FRRS1: variants seen among roughly 807,000 people sequenced by gnomAD.
FRRS1 encodes ferric reductase 1.
Under a neutral mutation model 70.7 loss-of-function variants are expected in FRRS1, and 51 were observed. The ratio of observed to expected loss-of-function variants is 0.72; its 90% CI spans 0.58 to 0.91. FRRS1 has a LOEUF of 0.91. Among genes scored for constraint, FRRS1 ranks in the 40% least tolerant of loss-of-function variants. FRRS1 has a pLI of 0.00. For missense variants in FRRS1, 672 were observed against 726.0 expected (o/e 0.93, Z 0.86); for synonymous variants, 225 against 238.7 (o/e 0.94, Z 0.53).
chr1:99,747,236 G>T, intron 4 of FRRS1, 58 bp downstream of exon 4: 2 of 1,385,696 alleles, frequency 1.4e-6, no homozygotes, highest in Non-Finnish European at 2.0e-6. Flanking sequence ...ATTTCCCCAG[G>T]GGTGGGGTCT....
chr1:99,757,291 T>C (rs1656886788), intron 1 of FRRS1, among the ~76,000 whole-genome samples: 1 of 152,156 alleles, frequency 6.6e-6, no homozygotes, highest in Non-Finnish European at 1.5e-5. Flanking sequence ...CCAATGGATC[T>C]TAACCTGCAG....
Position 99,712,428 on chromosome 1 carries a change from G to T in FRRS1, c.1411C>A (p.His471Asn). The part of the protein sequence containing the change: ...PLLAVFRPPL[H>N]DPRRQMFNWT... Reference sequence around the variant, plus strand: ...AAAGGCTCTAAGTACCTTGGGTCATGTAAAGGTGGCCTGAAGACTGCCAGA... The same window carrying T: ...AAAGGCTCTAAGTACCTTGGGTCATTTAAAGGTGGCCTGAAGACTGCCAGA... Residue 471 changes from histidine (H) to asparagine (N), a missense_variant, in exon 13 of 17, where the codon CAT becomes AAT. Coordinates refer to ENST00000646001, the MANE Select transcript of FRRS1 (RefSeq NM_001361041.2). The T allele has an allele frequency of 6.2e-7, 1 of 1,607,982 alleles. No individual in the cohort carries two copies. Among genetic ancestry groups the T allele is most frequent in the African/African-American group, 1.3e-5 (1 of 74,830 alleles).
intron 9 of FRRS1, among the ~76,000 whole-genome samples, chr1:99,724,003 A>C (rs147083759): frequency 4.6e-4 from 70 of 152,354 alleles, no homozygotes; most frequent in African/African-American, 1.6e-3. Context: ...CAAGAAAGGC[A>C]CTGGGAAAGC....
intron 12 of FRRS1, among the ~76,000 whole-genome samples, chr1:99,714,894 T>A (rs1410732615): frequency 3.3e-5 from 5 of 152,184 alleles, no homozygotes; most frequent in Non-Finnish European, 2.9e-5. Flanking sequence ...CAATGTGAGC[T>A]AGATGTGTGA....
At chr1:99,756,164 T>C (rs979464370) in intron 1 of FRRS1, among the ~76,000 whole-genome samples, 1 of 152,200 alleles carries the variant, frequency 6.6e-6, no homozygotes, top group African/African-American at 2.4e-5. Context: ...AAAGGACTCC[T>C]ATCAATTATG....
chr1:99,762,077 T>G (rs1208933283), intron 1 of FRRS1, among the ~76,000 whole-genome samples: 1 of 152,224 alleles, frequency 6.6e-6, no homozygotes, highest in Non-Finnish European at 1.5e-5. Context: ...TGTGAGGTTT[T>G]GATCACCAAA....
At chr1:99,751,686 A>G (rs1211331048) in intron 1 of FRRS1, among the ~76,000 whole-genome samples, 1 of 152,124 alleles carries the variant, frequency 6.6e-6, no homozygotes, top group African/African-American at 2.4e-5. Flanking sequence ...AAATAGGAAG[A>G]CTTTCTCAGA....
At chr1:99,727,815 G>C (rs1020987633) in intron 9 of FRRS1, among the ~76,000 whole-genome samples, 1 of 152,142 alleles carries the variant, frequency 6.6e-6, no homozygotes, top group Non-Finnish European at 1.5e-5. Flanking sequence ...AAACAAAATC[G>C]AATTATTCCT....
chr1:99,745,717 A>G (rs1247834569), intron 4 of FRRS1, among the ~76,000 whole-genome samples: 1 of 147,102 alleles, frequency 6.8e-6, no homozygotes, highest in East Asian at 2.0e-4. Context: ...TATTTGATAT[A>G]GTTTGGATAT....
In FRRS1 at chr1:99,744,994, A is replaced by AAAAG. The variant is rs1557701776; in HGVS notation, c.333+2296_333+2299dup. Reference sequence around the variant, plus strand: ...CAAAAAAAAAAAAAAAAAAAAAAAAAAAAGAAAGAAAGAAAAGAAAATCAT... The same window carrying AAAAG: ...CAAAAAAAAAAAAAAAAAAAAAAAAAAAAGAAAGAAAGAAAGAAAAGAAAATCAT... On this transcript the variant is annotated intron_variant, in intron 4 of 16. Coordinates refer to ENST00000646001, the MANE Select transcript of FRRS1 (RefSeq NM_001361041.2). 4.4e-5 allele frequency among the ~76,000 whole-genome samples: 6 copies of AAAAG among 135,750 alleles called. No individual in the cohort carries two copies. The East Asian group carries it at 6.3e-4, about 14-fold the overall frequency. 89.1% of individuals were successfully genotyped at this position (135,750 alleles called of 152,430 possible).
chr1:99,730,653 G>A (rs184306055), intron 7 of FRRS1, among the ~76,000 whole-genome samples: 1,569 of 152,224 alleles, frequency 0.01, 9 homozygotes, highest in Non-Finnish European at 0.017. Context: ...AGATCACGAG[G>A]TCAGGAGATC....
intron 1 of FRRS1, among the ~76,000 whole-genome samples, chr1:99,753,094 C>T (rs1656649631): frequency 6.6e-6 from 1 of 150,972 alleles, no homozygotes; most frequent in African/African-American, 2.4e-5. Flanking sequence ...GTGCCTATGA[C>T]CCCAGCTACT....
Position 99,708,787 on chromosome 1 carries a change from A to G in FRRS1, c.*241T>C. The stretch of plus-strand genomic sequence containing the variant: ...AATATTTGAGAGTTACTTCTCCTGA[A>G]GTACAATCTTTCCTTTAAGACCCAG... On this transcript the variant is annotated 3_prime_UTR_variant, in exon 17 of 17. Transcript: ENST00000646001. 1.5e-6 allele frequency: 1 copy of G among 646,760 alleles called. No individual in the cohort carries two copies. Among genetic ancestry groups the G allele is most frequent in the South Asian group, 2.4e-5 (1 of 41,784 alleles). 40.1% of individuals were successfully genotyped at this position (646,760 alleles called of 1,614,324 possible).
At chr1:99,717,557 T>C (rs1654596110) in intron 10 of FRRS1, 32 bp from the exon 11 acceptor site, 2 of 1,417,280 alleles carry the variant, frequency 1.4e-6, no homozygotes, top group East Asian at 4.6e-5. Context: ...TAGTAGACAA[T>C]CACAAACGAA....
intron 14 of FRRS1, chr1:99,711,671 G>C (rs965837695): frequency 2.5e-5 from 4 of 161,394 alleles, no homozygotes; most frequent in African/African-American, 9.6e-5. Context: ...ATCAAAATAT[G>C]CTGCATAAGT....
intron 11 of FRRS1, among the ~76,000 whole-genome samples, chr1:99,716,868 T>A (rs1654556743): frequency 6.6e-6 from 1 of 152,122 alleles, no homozygotes; most frequent in East Asian, 1.9e-4. Context: ...TACCTCCCCA[T>A]CTCAAGGGAA....
intron 7 of FRRS1, among the ~76,000 whole-genome samples, chr1:99,736,235 G>A (rs1312951493): frequency 1.3e-5 from 2 of 152,128 alleles, no homozygotes; most frequent in Non-Finnish European, 2.9e-5. Flanking sequence ...AGGTCTGATG[G>A]CAATCACAAA....
At chr1:99,735,049 G>T (rs1655581167) in intron 7 of FRRS1, among the ~76,000 whole-genome samples, 1 of 152,222 alleles carries the variant, frequency 6.6e-6, no homozygotes, top group Non-Finnish European at 1.5e-5. Flanking sequence ...AAAGAGGTAT[G>T]TACAGTACAT....
intron 6 of FRRS1, 133 bp from the exon 7 acceptor site, chr1:99,738,401 C>T (rs972208877): frequency 2.9e-5 from 17 of 580,622 alleles, no homozygotes; most frequent in African/African-American, 2.1e-4. Flanking sequence ...AATAAGCATT[C>T]AAATAAGGAA....
Sources: gnomAD v4.1 joint callset for allele counts (sites outside exome capture counted in the v4.1 genomes callset) on GRCh38, gnomAD v4.1.1 for gene constraint, MANE v1.5 for transcripts, NCBI Gene and HGNC (gene_info 2026-07-23, HGNC 2026-07-21) for gene names.